Variants in ZNF831 observed in about 807,000 individuals in gnomAD.
ZNF831 encodes chromosome 20 open reading frame 174.
In ZNF831, 59 loss-of-function variants were observed where a neutral mutation model predicts 95.8. The ratio of observed to expected loss-of-function variants is 0.62; its 90% CI spans 0.50 to 0.77. The LOEUF is 0.77. Among genes scored for constraint, ZNF831 ranks in the 30% least tolerant of loss-of-function variants. The probability of loss-of-function intolerance (pLI) is 0.00; values close to 1 mark genes in which losing one functional copy is unlikely to be tolerated. For synonymous variants in ZNF831, 961 were observed against 925.5 expected (o/e 1.04, Z -0.70); for missense variants, 2,205 against 2,164.0 (o/e 1.02, Z -0.38).
At chr20:59,234,435 T>G (rs1320084314) in intron 4 of ZNF831, among the ~76,000 whole-genome samples, 4 of 152,222 alleles carry the variant, frequency 2.6e-5, no homozygotes, top group African/African-American at 9.6e-5. Context: ...TTAGATAGTT[T>G]GTCCTGACAG....
chr20:59,184,689 A>C (rs1040145487), intron 1 of ZNF831, among the ~76,000 whole-genome samples: 14 of 152,192 alleles, frequency 9.2e-5, no homozygotes, highest in Admixed American at 4.6e-4. Flanking sequence ...CCCAAGTTCT[A>C]TCTGCTAAAC....
At chr20:59,182,347 A>G (rs1290262902) in intron 1 of ZNF831, among the ~76,000 whole-genome samples, 3 of 152,214 alleles carry the variant, frequency 2.0e-5, no homozygotes, top group Non-Finnish European at 4.4e-5. Flanking sequence ...ATTTTGCATT[A>G]TGCTGTGATC....
At chr20:59,222,738 C>T (rs1485161943) in intron 4 of ZNF831, among the ~76,000 whole-genome samples, 2 of 152,220 alleles carry the variant, frequency 1.3e-5, no homozygotes, top group East Asian at 3.9e-4. Flanking sequence ...CGCTCCGCGG[C>T]GCAGCACGGC....
rs1983812511 is a variant in ZNF831, at chr20:59,193,644, G to A, written c.2625G>A (p.Gln875=). 2 of 1,612,820 alleles carry A rather than the reference G, an allele frequency of 1.2e-6. No individual in the cohort carries two copies. Among genetic ancestry groups the A allele is most frequent in the East Asian group, 4.5e-5 (2 of 44,866 alleles). Residue 875 remains glutamine (Q), a synonymous_variant, in exon 2 of 6, where the codon CAG becomes CAA. Transcript: ENST00000371030. ...VPGGSKESAR[Q]VGEPLESSGA... is the part of the protein sequence containing the mutation. ...GGGGCTCAAAGGAGAGTGCCAGGCA[G>A]GTGGGCGAGCCTCTGGAGTCCTCTG...
At chr20:59,184,297 G>A (rs778425061) in intron 1 of ZNF831, among the ~76,000 whole-genome samples, 2 of 152,072 alleles carry the variant, frequency 1.3e-5, no homozygotes, top group African/African-American at 2.4e-5. Flanking sequence ...TCTTGCTCAC[G>A]TCCAGGTTTT....
At chr20:59,178,285 G>A (rs985456243) in intron 1 of ZNF831, among the ~76,000 whole-genome samples, 2 of 152,194 alleles carry the variant, frequency 1.3e-5, no homozygotes, top group Non-Finnish European at 2.9e-5. Context: ...AAATTTGCAC[G>A]TTAAGGGACT....
intron 1 of ZNF831, among the ~76,000 whole-genome samples, chr20:59,166,951 A>T (rs1182237947): frequency 6.6e-6 from 1 of 152,226 alleles, no homozygotes; most frequent in Non-Finnish European, 1.5e-5. Flanking sequence ...CCAGGAGTGC[A>T]GTTGCTGGGT....
rs2146560670 is a variant in ZNF831, at chr20:59,192,156, G to A, written c.1137G>A (p.Pro379=). 2 of 1,557,482 alleles carry A rather than the reference G, an allele frequency of 1.3e-6. No homozygotes were observed. Among genetic ancestry groups the A allele is most frequent in the Non-Finnish European group, 8.6e-7 (1 of 1,158,308 alleles). The part of the protein sequence containing the change: ...HSAESEGEGG[P]GPGPGVAGAE... The stretch of plus-strand genomic sequence containing the variant: ...CCGAGTCCGAGGGGGAGGGCGGCCC[G>A]GGCCCGGGGCCAGGGGTCGCAGGGG... The change falls in exon 2 of 6, where the codon CCG becomes CCA. Residue 379 remains proline, a synonymous_variant. Transcript: ENST00000371030. This position sits in a 1 kb window ranked among gnomAD's most constrained non-coding sequence, Gnocchi z 5.2.
In ZNF831 at chr20:59,193,767, C is replaced by G. The variant is rs2146589042; in HGVS notation, c.2748C>G (p.His916Gln). The change falls in exon 2 of 6, where the codon CAC (histidine) becomes CAG (glutamine). Residue 916 changes from histidine to glutamine, a missense_variant. Transcript: ENST00000371030. ...LHPAAPAPAE[H>Q]PSLATPPQAP... ...CTGCAGCCCCAGCCCCCGCAGAGCACCCCTCGCTGGCCACCCCACCTCAGG... is the reference window on the plus strand; with the variant it reads ...CTGCAGCCCCAGCCCCCGCAGAGCAGCCCTCGCTGGCCACCCCACCTCAGG... 3.1e-6 allele frequency: 5 copies of G among 1,607,250 alleles called. No individual in the cohort carries two copies. Among genetic ancestry groups the G allele is most frequent in the Non-Finnish European group, 3.4e-6 (4 of 1,176,504 alleles).
intron 1 of ZNF831, among the ~76,000 whole-genome samples, chr20:59,124,580 C>T (rs1051368144): frequency 1.8e-4 from 28 of 151,990 alleles, no homozygotes; most frequent in African/African-American, 4.6e-4. Context: ...TGGGGCCAGA[C>T]GCCTCCGTGG....
rs76917377 is a variant in ZNF831, at chr20:59,189,888, G to A, written c.-36-1096G>A. On this transcript the variant is annotated intron_variant, in intron 1 of 5. Transcript: ENST00000371030. The stretch of plus-strand genomic sequence containing the variant: ...GAATGTGGTTGTTTTCTTGGGGAAC[G>A]GAGCTGGGGATGGGTGAAATGTGCT... 9.3e-4 allele frequency among the ~76,000 whole-genome samples: 141 copies of A among 152,332 alleles called. 1 individual carries two copies. The East Asian group carries it at 0.024, about 26-fold the overall frequency.
intron 2 of ZNF831, among the ~76,000 whole-genome samples, chr20:59,154,925 A>G (rs929565341): frequency 6.6e-6 from 1 of 152,052 alleles, no homozygotes; most frequent in Non-Finnish European, 1.5e-5. Flanking sequence ...TTTCTCTAAA[A>G]TCACTTCACT....
intron 2 of ZNF831, among the ~76,000 whole-genome samples, chr20:59,150,110 C>A (rs962674433): frequency 6.6e-6 from 1 of 152,242 alleles, no homozygotes; most frequent in Non-Finnish European, 1.5e-5. Flanking sequence ...AACCACCAGG[C>A]TCCTCACAGA....
At chr20:59,238,358 C>G (rs978004837) in intron 4 of ZNF831, among the ~76,000 whole-genome samples, 1 of 152,162 alleles carries the variant, frequency 6.6e-6, no homozygotes, top group Non-Finnish European at 1.5e-5. Context: ...CCTGACCCCC[C>G]AGTTTCCTCT....
intron 1 of ZNF831, among the ~76,000 whole-genome samples, chr20:59,173,263 G>A (rs1434042682): frequency 1.3e-5 from 2 of 152,106 alleles, no homozygotes; most frequent in Non-Finnish European, 1.5e-5. Context: ...GAGAAGCTTG[G>A]CATGACTGTG....
chr20:59,210,863 C>A, intron 4 of ZNF831, among the ~76,000 whole-genome samples: 1 of 79,360 alleles, frequency 1.3e-5, no homozygotes, highest in Admixed American at 1.2e-4. Flanking sequence ...ATCCCCCCGT[C>A]TCTACTAAAA....
chr20:59,228,166 G>A (rs57850568), intron 4 of ZNF831, among the ~76,000 whole-genome samples: 2,094 of 152,244 alleles, frequency 0.014, 50 homozygotes, highest in African/African-American at 0.048. Flanking sequence ...GTTAGATATT[G>A]TTGTGTAGCA....
At chr20:59,231,584 A>G (rs1226409045) in intron 4 of ZNF831, among the ~76,000 whole-genome samples, 1 of 152,216 alleles carries the variant, frequency 6.6e-6, no homozygotes, top group East Asian at 1.9e-4. Flanking sequence ...TGTCTGAAGA[A>G]AGTAAGTGAT....
intron 1 of ZNF831, among the ~76,000 whole-genome samples, chr20:59,129,318 C>T (rs1979276297): frequency 1.3e-5 from 2 of 151,968 alleles, no homozygotes; most frequent in Admixed American, 1.3e-4. Context: ...TGCATGGAAC[C>T]CCCAACGCTA....
Sources: allele counts gnomAD v4.1 joint callset (sites outside exome capture counted in the v4.1 genomes callset), GRCh38; gene constraint gnomAD v4.1.1; non-coding constraint Gnocchi (gnomAD v3.1); transcripts MANE v1.5; gene names NCBI Gene and HGNC (gene_info 2026-07-23, HGNC 2026-07-21).